C8orf34: variants seen among roughly 807,000 people sequenced by gnomAD.
The protein encoded by C8orf34 is uncharacterized protein C8orf34.
C8orf34 carries 65 observed loss-of-function variants against 68.3 expected under a neutral mutation model. The ratio of observed to expected loss-of-function variants is 0.95; its 90% CI spans 0.78 to 1.17. The LOEUF is 1.17. Ranked by LOEUF, C8orf34 falls within the 50% of genes most tolerant of loss-of-function variation. The pLI is 0.00. For missense variants in C8orf34, 664 were observed against 655.4 expected (o/e 1.01, Z -0.14); for synonymous variants, 244 against 241.2 (o/e 1.01, Z -0.11).
At chr8:68,394,223 T>A (rs1481413838) in intron 1 of C8orf34, among the ~76,000 whole-genome samples, 1 of 147,840 alleles carries the variant, frequency 6.8e-6, no homozygotes, top group South Asian at 2.3e-4. Flanking sequence ...TATCTCCCAA[T>A]GCTATCCCTC....
At chr8:68,534,000 G>C (rs938263729) in intron 7 of C8orf34, 1 of 931,558 alleles carries the variant, frequency 1.1e-6, no homozygotes, top group East Asian at 1.2e-4. Flanking sequence ...CCTTAAACAC[G>C]TTTTACATAT....
intron 9 of C8orf34, among the ~76,000 whole-genome samples, chr8:68,714,682 G>A (rs1207786905): frequency 6.6e-6 from 1 of 152,112 alleles, no homozygotes; most frequent in African/African-American, 2.4e-5. Context: ...TCAATATTGT[G>A]AGAATGACCA....
intron 10 of C8orf34, among the ~76,000 whole-genome samples, chr8:68,751,283 C>T (rs920452295): frequency 2.6e-5 from 4 of 152,140 alleles, no homozygotes; most frequent in Non-Finnish European, 5.9e-5. Flanking sequence ...TTTTGGCTTA[C>T]TGCCAGGAAG....
At chr8:68,692,900 A>G (rs1820724993) in intron 8 of C8orf34, among the ~76,000 whole-genome samples, 2 of 152,048 alleles carry the variant, frequency 1.3e-5, no homozygotes, top group African/African-American at 2.4e-5. Context: ...TTTTACTTAG[A>G]CTATAAAACT....
chr8:68,618,963 A>G (rs1818308595), intron 7 of C8orf34, among the ~76,000 whole-genome samples: 2 of 152,190 alleles, frequency 1.3e-5, no homozygotes, highest in Admixed American at 6.5e-5. Context: ...AGACCAATGG[A>G]AAGAGATAGT....
chr8:68,394,264 G>C (rs1203274350), intron 1 of C8orf34, among the ~76,000 whole-genome samples: 2 of 119,294 alleles, frequency 1.7e-5, no homozygotes, highest in Non-Finnish European at 3.2e-5. Context: ...ACAGTCCCCA[G>C]AGTGTGATGT....
At chr8:68,750,236 T>C (rs1463322438) in intron 10 of C8orf34, among the ~76,000 whole-genome samples, 1 of 152,232 alleles carries the variant, frequency 6.6e-6, no homozygotes, top group Non-Finnish European at 1.5e-5. Context: ...CATGAACTAA[T>C]GAATGGATAA....
intron 7 of C8orf34, among the ~76,000 whole-genome samples, chr8:68,585,342 A>G (rs1336140574): frequency 6.6e-6 from 1 of 152,166 alleles, no homozygotes; most frequent in Non-Finnish European, 1.5e-5. Flanking sequence ...AAGGAATTTT[A>G]TGGGATAATT....
At chr8:68,442,756 C>G (rs762148964) in intron 2 of C8orf34, among the ~76,000 whole-genome samples, 2 of 152,092 alleles carry the variant, frequency 1.3e-5, no homozygotes, top group African/African-American at 2.4e-5. Flanking sequence ...ATCAGGGAAA[C>G]GAAGCTCTTC....
intron 1 of C8orf34, among the ~76,000 whole-genome samples, chr8:68,427,598 T>C (rs998440648): frequency 3.9e-5 from 6 of 152,074 alleles, no homozygotes; most frequent in African/African-American, 1.4e-4. Flanking sequence ...CTTTGGATGA[T>C]AGTACAATTA....
chr8:68,715,980 C>T (rs534199475), intron 9 of C8orf34, among the ~76,000 whole-genome samples: 1 of 152,166 alleles, frequency 6.6e-6, no homozygotes, highest in Non-Finnish European at 1.5e-5. Flanking sequence ...AAATACTACT[C>T]AACTTTAAAA....
At chr8:68,605,900 G>T (rs534961227) in intron 7 of C8orf34, among the ~76,000 whole-genome samples, 1 of 152,174 alleles carries the variant, frequency 6.6e-6, no homozygotes, top group Non-Finnish European at 1.5e-5. Flanking sequence ...GTTAATGTAG[G>T]TCCATCAGTT....
At chr8:68,672,332 T>C (rs763345171) in intron 8 of C8orf34, among the ~76,000 whole-genome samples, 6 of 152,178 alleles carry the variant, frequency 3.9e-5, no homozygotes, top group Non-Finnish European at 7.3e-5. Flanking sequence ...CAGTACCTGG[T>C]TTTAACTTCA....
At chr8:68,730,224 A>G (rs1453201250) in intron 10 of C8orf34, among the ~76,000 whole-genome samples, 1 of 152,176 alleles carries the variant, frequency 6.6e-6, no homozygotes, top group African/African-American at 2.4e-5. Flanking sequence ...CCCTTGAAAG[A>G]TAGTGTTGGC....
intron 8 of C8orf34, among the ~76,000 whole-genome samples, chr8:68,662,503 G>T (rs1376707532): frequency 6.6e-6 from 1 of 152,110 alleles, no homozygotes; most frequent in Non-Finnish European, 1.5e-5. Flanking sequence ...TTCTCGTTGT[G>T]GTGAATAAGT....
Position 68,737,295 on chromosome 8 carries a change from T to C in C8orf34, c.1404+15858T>C, listed in dbSNP as rs372196204. Among the ~76,000 whole-genome samples the C allele has an allele frequency of 1.8e-4, 28 of 152,214 alleles. No individual in the cohort carries two copies. In the East Asian group the frequency reaches 3.7e-3, roughly 20 times the overall value. ...TTTCTGTCCTTAATAGAAACCTTTT[T>C]CCCAGGCATTTATCACTTGTTCTTT... On this transcript the variant is annotated intron_variant, in intron 10 of 13. Coordinates refer to ENST00000518698, the MANE Select transcript of C8orf34 (RefSeq NM_052958.4).
rs1585883726 is a variant in C8orf34, at chr8:68,787,758, A to C, written c.1549+222A>C. The C allele has an allele frequency of 1.9e-5, 6 of 313,724 alleles. No homozygotes were observed. The East Asian group carries it at 3.0e-4, about 16-fold the overall frequency. The allele number at this position is 313,724 out of a possible 1,614,324, so 19.4% of individuals were successfully genotyped here. On this transcript the variant is annotated intron_variant, in intron 12 of 13. Coordinates refer to ENST00000518698, the MANE Select transcript of C8orf34 (RefSeq NM_052958.4). ...ACTCATAGACTAACTTTCTAGAAAA[A>C]AAAAGCAATTCTTTCTAAAGACCAA... is the stretch of plus-strand genomic sequence containing the variant.
chr8:68,743,784 C>A (rs953063751), intron 10 of C8orf34, among the ~76,000 whole-genome samples: 1 of 152,188 alleles, frequency 6.6e-6, no homozygotes, highest in African/African-American at 2.4e-5. Context: ...GATCAAACTG[C>A]AAGGCGGCAG....
intron 10 of C8orf34, among the ~76,000 whole-genome samples, chr8:68,735,767 C>A (rs537242216): frequency 3.9e-5 from 6 of 152,116 alleles, no homozygotes; most frequent in Non-Finnish European, 7.4e-5. Context: ...CAGGAGTGAA[C>A]CCTAGCCAAT....
Sources: allele counts gnomAD v4.1 joint callset (sites outside exome capture counted in the v4.1 genomes callset), GRCh38; gene constraint gnomAD v4.1.1; transcripts MANE v1.5; gene names NCBI Gene and HGNC (gene_info 2026-07-23, HGNC 2026-07-21).